The following ENOX1 variants were observed in gnomAD, a reference collection of about 807,000 sequenced individuals.
ENOX1 encodes the protein ecto-NOX disulfide-thiol exchanger 1.
ENOX1 carries 42 observed loss-of-function variants against 82.5 expected under a neutral mutation model. The observed-to-expected ratio is 0.51, with a 90% CI of 0.40 to 0.66. ENOX1 has a LOEUF of 0.66. Ranked by LOEUF, ENOX1 falls within the 30% of genes least tolerant of loss-of-function variation. The pLI is 0.00. For missense variants in ENOX1, 608 were observed against 811.6 expected, an observed-to-expected ratio of 0.75 and a Z score of 3.05; for synonymous variants, 271 against 282.2, an observed-to-expected ratio of 0.96 and a Z score of 0.40.
chr13:43,407,863 T>A (rs2053892928), intron 5 of ENOX1, among the ~76,000 whole-genome samples: 3 of 151,810 alleles, frequency 2.0e-5, no homozygotes, highest in Non-Finnish European at 2.9e-5. Context: ...CAAACACAAA[T>A]CAAAGGCAAC....
intron 2 of ENOX1, among the ~76,000 whole-genome samples, chr13:43,495,957 C>A (rs1372609567): frequency 6.6e-6 from 1 of 151,990 alleles, no homozygotes; most frequent in African/African-American, 2.4e-5. Flanking sequence ...ATTAAACATT[C>A]TTATCTTCTT....
At chr13:43,445,125 GTTT>G (rs71808213) in intron 3 of ENOX1, among the ~76,000 whole-genome samples, 2 of 137,828 alleles carry the variant, frequency 1.5e-5, no homozygotes, top group African/African-American at 2.7e-5. Context: ...TTCTTTCTGG[GTTT>G]TTTTTTTTTT....
In ENOX1 at chr13:43,236,673, G is replaced by T. The variant is rs140224530; in HGVS notation, c.1677C>A (p.Ser559Arg). ...QDRENNIEKR[S>R]QGLKSEKEAL... ...CTTCTTTCTCTGATTTTAAGCCTTG[G>T]CTTCTTTTCTCAATATTGTTCTCTC... The change falls in exon 15 of 17, where the codon AGC becomes AGA. Residue 559 changes from serine (S) to arginine (R), a missense_variant. By Grantham distance (110) the Ser-to-Arg change is moderately radical (BLOSUM62 -1). Transcript: ENST00000690772. 6.3e-7 allele frequency: 1 copy of T among 1,584,952 alleles called. No homozygotes were observed. Among genetic ancestry groups the T allele is most frequent in the Admixed American group, 1.9e-5 (1 of 51,928 alleles).
intron 3 of ENOX1, among the ~76,000 whole-genome samples, chr13:43,472,020 GAAAAGAAAAATT>G (rs955470236): frequency 2.0e-5 from 3 of 150,718 alleles, no homozygotes; most frequent in African/African-American, 7.3e-5. Flanking sequence ...CAAAAAAAAA[GAAAAGAAAAATT>G]AAAAGAAAAA....
At chr13:43,287,577 C>A (rs1485121713) in intron 12 of ENOX1, among the ~76,000 whole-genome samples, 1 of 152,132 alleles carries the variant, frequency 6.6e-6, no homozygotes, top group Non-Finnish European at 1.5e-5. Context: ...TCTACTAGTT[C>A]AGTGTTTTCA....
At chr13:43,485,314 T>C (rs575313943) in intron 2 of ENOX1, among the ~76,000 whole-genome samples, 1 of 152,294 alleles carries the variant, frequency 6.6e-6, no homozygotes, top group South Asian at 2.1e-4. Context: ...GCTCACCAAA[T>C]AAATGCTTCA....
chr13:43,603,210 C>T (rs967215022), intron 2 of ENOX1, among the ~76,000 whole-genome samples: 2 of 151,800 alleles, frequency 1.3e-5, no homozygotes, highest in African/African-American at 4.8e-5. Flanking sequence ...TTTAAACATG[C>T]CATGCTCTTT....
intron 11 of ENOX1, among the ~76,000 whole-genome samples, chr13:43,309,784 C>T (rs2153517213): frequency 6.6e-6 from 1 of 152,274 alleles, no homozygotes; most frequent in Non-Finnish European, 1.5e-5. Flanking sequence ...ATATATTGAG[C>T]ATGATAACCT....
At chr13:43,470,238 GTA>G (rs1225992383) in intron 3 of ENOX1, among the ~76,000 whole-genome samples, 5 of 86,846 alleles carry the variant, frequency 5.8e-5, no homozygotes, top group East Asian at 7.2e-4. Flanking sequence ...GTGTGTGTGT[GTA>G]TATATATACA....
intron 1 of ENOX1, among the ~76,000 whole-genome samples, chr13:43,707,802 A>G (rs926707933): frequency 6.6e-6 from 1 of 151,840 alleles, no homozygotes; most frequent in African/African-American, 2.4e-5. Flanking sequence ...TCCAAAATTT[A>G]CAAAAATGCT....
intron 2 of ENOX1, chr13:43,545,242 T>C (rs1206630261): frequency 6.6e-6 from 1 of 152,218 alleles, no homozygotes; most frequent in East Asian, 1.9e-4. Context: ...TTCAGTAAAC[T>C]GACAGTCTTC....
intron 5 of ENOX1, among the ~76,000 whole-genome samples, chr13:43,398,653 C>T (rs1301746145): frequency 1.3e-5 from 2 of 152,068 alleles, no homozygotes; most frequent in East Asian, 1.9e-4. Context: ...TTTCTTCCAC[C>T]TCTGACACCC....
At chr13:43,417,172 A>G (rs1256156041) in intron 3 of ENOX1, among the ~76,000 whole-genome samples, 1 of 148,696 alleles carries the variant, frequency 6.7e-6, no homozygotes, top group Non-Finnish European at 1.5e-5. Flanking sequence ...TCACAGCAGT[A>G]CAGTCCAGCC....
chr13:43,412,131 T>G lies in ENOX1; in HGVS notation c.71-78A>C, dbSNP rs557713387. The G allele has an allele frequency of 2.6e-6, 4 of 1,537,464 alleles. No homozygotes were observed. The African/African-American group carries it at 4.1e-5, about 16-fold the overall frequency. On this transcript the variant is annotated intron_variant, in intron 4 of 16. Transcript: ENST00000690772. ...TTAAAGAAAATCACATTTCTAGATA[T>G]GTGAGGCTTCATTTAGCACATTCCC...
At chr13:43,571,064 T>C (rs949506508) in intron 2 of ENOX1, among the ~76,000 whole-genome samples, 9 of 152,222 alleles carry the variant, frequency 5.9e-5, no homozygotes, top group East Asian at 1.9e-4. Context: ...GGAGAAGAAA[T>C]TGAACATGAC....
chr13:43,489,829 A>C (rs1288112354), intron 2 of ENOX1, among the ~76,000 whole-genome samples: 1 of 152,162 alleles, frequency 6.6e-6, no homozygotes, highest in Non-Finnish European at 1.5e-5. Flanking sequence ...CTTAAGATTT[A>C]ATGTTTGCCT....
At chr13:43,343,799 G>A (rs961025170) in intron 9 of ENOX1, among the ~76,000 whole-genome samples, 3 of 152,014 alleles carry the variant, frequency 2.0e-5, no homozygotes, top group Non-Finnish European at 2.9e-5. Flanking sequence ...AGAGAACATC[G>A]GCAGCTGTGA....
Position 43,267,026 on chromosome 13 carries a change from G to T in ENOX1, c.1555-1572C>A, listed in dbSNP as rs558266309. Among the ~76,000 whole-genome samples, 3 of 151,946 alleles carry T rather than the reference G, an allele frequency of 2.0e-5. No homozygotes were observed. In the South Asian group the frequency reaches 6.2e-4, roughly 32 times the overall value. On this transcript the variant is annotated intron_variant, in intron 13 of 16. Transcript: ENST00000690772. The stretch of plus-strand genomic sequence containing the variant: ...CTCTAACTCTGCTCTCGCTTTTTCT[G>T]CTCCTGTTTATTCTCCCCTCACTCC...
intron 2 of ENOX1, among the ~76,000 whole-genome samples, chr13:43,604,309 G>A (rs997004046): frequency 2.7e-4 from 41 of 151,992 alleles, no homozygotes; most frequent in Non-Finnish European, 5.2e-4. Context: ...AGTAGGTTGC[G>A]AAAATTTTCT....
Sources: allele counts gnomAD v4.1 joint callset (sites outside exome capture counted in the v4.1 genomes callset), GRCh38; gene constraint gnomAD v4.1.1; transcripts MANE v1.5; gene names NCBI Gene and HGNC (gene_info 2026-07-23, HGNC 2026-07-21).